The following KCNN2 variants were observed in gnomAD, a reference collection of about 807,000 sequenced individuals.
KCNN2 encodes small conductance calcium-activated potassium channel protein 2.
KCNN2 carries 24 observed loss-of-function variants against 55.5 expected under a neutral mutation model. That is an observed-to-expected ratio of 0.43 (90% confidence interval 0.31 to 0.61). The LOEUF is 0.61. Among genes scored for constraint, KCNN2 ranks in the 20% least tolerant of loss-of-function variants. The pLI is 0.08. For synonymous variants in KCNN2, 431 were observed against 336.1 expected, an observed-to-expected ratio of 1.28 and a Z score of -3.09; for missense variants, 754 against 853.6, an observed-to-expected ratio of 0.88 and a Z score of 1.45.
chr5:114,068,235 T>C (rs1185865596), intron 1 of KCNN2, among the ~76,000 whole-genome samples: 3 of 152,226 alleles, frequency 2.0e-5, no homozygotes, highest in African/African-American at 7.2e-5. Flanking sequence ...AGGTCAATAG[T>C]CCTTGGAACA....
At chr5:114,154,288 A>C (rs1467024827) in intron 1 of KCNN2, among the ~76,000 whole-genome samples, 1 of 152,136 alleles carries the variant, frequency 6.6e-6, no homozygotes, top group Non-Finnish European at 1.5e-5. Flanking sequence ...GAGAAACATG[A>C]GCCCATAAAG....
In KCNN2 at chr5:114,423,258, T is replaced by C. The variant is rs1759522720; in HGVS notation, c.1637+18402T>C. Reference sequence around the variant, plus strand: ...AAGAGAATCGGGCTAATTTTTGATATTTTGCTGATTTTTAAGGTTCATTTC... The same window carrying C: ...AAGAGAATCGGGCTAATTTTTGATACTTTGCTGATTTTTAAGGTTCATTTC... On this transcript the variant is annotated intron_variant, in intron 3 of 7. Coordinates refer to ENST00000673685, the MANE Select transcript of KCNN2 (RefSeq NM_021614.4). 2.6e-5 allele frequency among the ~76,000 whole-genome samples: 4 copies of C among 152,268 alleles called. No individual in the cohort carries two copies. In the East Asian group the frequency reaches 5.8e-4, roughly 22 times the overall value.
At chr5:114,206,101 T>C (rs543616100) in intron 1 of KCNN2, among the ~76,000 whole-genome samples, 1 of 152,202 alleles carries the variant, frequency 6.6e-6, no homozygotes, top group Non-Finnish European at 1.5e-5. Context: ...TGTGTGTGTG[T>C]TCTTTAATTT....
chr5:114,395,610 T>C (rs1192288122), intron 2 of KCNN2, among the ~76,000 whole-genome samples: 3 of 152,220 alleles, frequency 2.0e-5, no homozygotes, highest in Admixed American at 6.5e-5. Flanking sequence ...ATGAGAATAG[T>C]TCTACGGTTA....
intron 2 of KCNN2, among the ~76,000 whole-genome samples, chr5:114,298,253 A>G (rs1338622065): frequency 6.6e-6 from 1 of 152,240 alleles, no homozygotes; most frequent in East Asian, 1.9e-4. Context: ...CTGCTAGGAA[A>G]GGGACACAGA....
chr5:114,136,902 A>C (rs1752184837), intron 1 of KCNN2, among the ~76,000 whole-genome samples: 1 of 152,200 alleles, frequency 6.6e-6, no homozygotes, highest in Non-Finnish European at 1.5e-5. Flanking sequence ...ATAAAAGCTT[A>C]GGGTTAATGA....
At chr5:114,072,762 T>G (rs1231756287) in intron 1 of KCNN2, among the ~76,000 whole-genome samples, 1 of 152,250 alleles carries the variant, frequency 6.6e-6, no homozygotes, top group Non-Finnish European at 1.5e-5. Context: ...TGGGAATTTC[T>G]GTGGATTTCT....
intron 2 of KCNN2, among the ~76,000 whole-genome samples, chr5:114,245,647 G>A (rs925323305): frequency 6.6e-6 from 1 of 151,418 alleles, no homozygotes; most frequent in Non-Finnish European, 1.5e-5. Context: ...AACAATATAA[G>A]TATTTTTTGG....
intron 2 of KCNN2, among the ~76,000 whole-genome samples, chr5:114,249,766 T>G (rs940339420): frequency 1.4e-5 from 2 of 140,160 alleles, no homozygotes; most frequent in East Asian, 4.1e-4. Context: ...AAAAAAAGAA[T>G]GGGCAGCATT....
intron 2 of KCNN2, among the ~76,000 whole-genome samples, chr5:114,379,097 CCTTGTCATTCCTCTTAGACCTCCTAGTG>C (rs1463915197): frequency 3.0e-4 from 45 of 152,262 alleles, no homozygotes; most frequent in African/African-American, 1.0e-3. Context: ...CACCTCCCAG[CCTTGTCATTCCTCTTAGACCTCCTAGTG>C]CTTGTCATTC....
intron 2 of KCNN2, among the ~76,000 whole-genome samples, chr5:114,388,512 A>G (rs1758352924): frequency 6.6e-6 from 1 of 151,894 alleles, no homozygotes; most frequent in South Asian, 2.1e-4. Flanking sequence ...TGCTTTTTTG[A>G]CTTTCTCCAA....
At chr5:114,248,531 T>TG (rs397736115) in intron 2 of KCNN2, among the ~76,000 whole-genome samples, 2 of 151,752 alleles carry the variant, frequency 1.3e-5, no homozygotes, top group African/African-American at 4.8e-5. Flanking sequence ...CTTCTTTTTT[T>TG]ATAAGTTTGC....
At chr5:114,218,255 A>G (rs959734619) in intron 1 of KCNN2, among the ~76,000 whole-genome samples, 7 of 152,204 alleles carry the variant, frequency 4.6e-5, no homozygotes, top group African/African-American at 1.7e-4. Flanking sequence ...AGGAATAGAA[A>G]AGTTCTGTTC....
intron 2 of KCNN2, among the ~76,000 whole-genome samples, chr5:114,401,886 A>G (rs942302656): frequency 2.6e-5 from 4 of 152,220 alleles, no homozygotes; most frequent in African/African-American, 7.2e-5. Context: ...TGCTATGGGT[A>G]TAGATTAGAT....
chr5:114,495,129 T>A (rs1174304402), intron 7 of KCNN2, among the ~76,000 whole-genome samples: 1 of 152,120 alleles, frequency 6.6e-6, no homozygotes, highest in Non-Finnish European at 1.5e-5. Flanking sequence ...ATCAAGACAA[T>A]CAATTTCAAG....
intron 2 of KCNN2, among the ~76,000 whole-genome samples, chr5:114,279,471 C>A (rs1755571957): frequency 2.0e-5 from 3 of 152,102 alleles, no homozygotes; most frequent in African/African-American, 7.2e-5. Flanking sequence ...CCACAACAGG[C>A]CCCAGTGTGT....
intron 2 of KCNN2, among the ~76,000 whole-genome samples, chr5:114,312,426 CACACACACATAT>C (rs1561566509): frequency 1.1e-4 from 3 of 27,504 alleles, no homozygotes; most frequent in Admixed American, 4.0e-4. Flanking sequence ...CACACACACA[CACACACACATAT>C]ATATATATAT....
At chr5:114,263,691 T>A (rs1249763367) in intron 2 of KCNN2, among the ~76,000 whole-genome samples, 1 of 152,208 alleles carries the variant, frequency 6.6e-6, no homozygotes, top group East Asian at 1.9e-4. Context: ...CTTCAGTCTT[T>A]ATCATATATG....
chr5:114,088,587 G>A (rs576102658), intron 1 of KCNN2, among the ~76,000 whole-genome samples: 4 of 151,644 alleles, frequency 2.6e-5, no homozygotes, highest in East Asian at 1.9e-4. Context: ...TAAGCTCATC[G>A]AGTGTATTTT....
Sources: allele counts gnomAD v4.1 joint callset (sites outside exome capture counted in the v4.1 genomes callset), GRCh38; gene constraint gnomAD v4.1.1; transcripts MANE v1.5; gene names NCBI Gene and HGNC (gene_info 2026-07-23, HGNC 2026-07-21).